BOK: variants seen among roughly 807,000 people sequenced by gnomAD.
BOK encodes the protein BCL2 family apoptosis regulator BOK.
BOK carries 20 observed loss-of-function variants against 18.3 expected under a neutral mutation model. The ratio of observed to expected loss-of-function variants is 1.09; its 90% CI spans 0.77 to 1.59. BOK has a LOEUF of 1.59. Ranked by LOEUF, BOK falls within the 40% of genes most tolerant of loss-of-function variation. The probability of loss-of-function intolerance (pLI) is 0.00; values close to 1 mark genes in which losing one functional copy is unlikely to be tolerated. For missense variants in BOK, 348 were observed against 307.9 expected, an observed-to-expected ratio of 1.13 and a Z score of -0.97; for synonymous variants, 173 against 142.4, an observed-to-expected ratio of 1.21 and a Z score of -1.53.
chr2:241,556,341 T>C (rs1053497939), upstream of BOK, among the ~76,000 whole-genome samples: 1 of 152,166 alleles, frequency 6.6e-6, no homozygotes, highest in Non-Finnish European at 1.5e-5. Flanking sequence ...TCCCAGAACT[T>C]TGTGATGCCA....
In BOK at chr2:241,570,243, C is replaced by T. The variant is rs141945444; in HGVS notation, c.468C>T (p.Phe156=). 1.2e-4 allele frequency: 186 copies of T among 1,589,870 alleles called. 1 individual carries two copies. In the African/African-American group the frequency reaches 1.8e-3, roughly 16 times the overall value. ...VHALVDCLGE[F]VRKTLATWLR... ...CCCTCGTGGACTGCCTGGGGGAGTT[C>T]GTGCGCAAGACCCTGGCAACCTGGC... The change falls in exon 4 of 5, where the codon TTC becomes TTT. Residue 156 remains phenylalanine, a synonymous_variant. Coordinates refer to ENST00000318407, the MANE Select transcript of BOK (RefSeq NM_032515.5).
intron 1 of BOK, among the ~76,000 whole-genome samples, chr2:241,553,730 T>C (rs756650892): frequency 8.6e-5 from 13 of 152,000 alleles, no homozygotes; most frequent in Non-Finnish European, 1.3e-4. Flanking sequence ...CCCCCAACAC[T>C]GGGGTTTACA....
At position 241,559,536 on chromosome 2, in the gene BOK, T is replaced by G. The variant is rs1303930706; in HGVS notation, c.53T>G (p.Phe18Cys). 6.6e-7 allele frequency: 1 copy of G among 1,524,454 alleles called. No homozygotes were observed. Among genetic ancestry groups the G allele is most frequent in the Admixed American group, 2.0e-5 (1 of 50,062 alleles). 94.4% of individuals were successfully genotyped at this position (1,524,454 alleles called of 1,614,324 possible). A position where few individuals can be genotyped will look rare whatever the true frequency, so the allele number is the denominator to read the frequency against. ...TTCGCCGCCGAGATCATGGACGCCT[T>G]TGACCGCTCGCCCACAGACAAGGAG... ...SVFAAEIMDA[F>C]DRSPTDKELV... The change falls in exon 2 of 5, where the codon TTT becomes TGT. Residue 18 changes from phenylalanine (F) to cysteine (C), a missense_variant. By Grantham distance (205) the Phe-to-Cys change is radical (BLOSUM62 -2). Transcript: ENST00000318407.
At position 241,559,602 on chromosome 2, in the gene BOK, A is replaced by G. The variant is rs888734732; in HGVS notation, c.119A>G (p.His40Arg). 3 of 1,489,082 alleles carry G rather than the reference A, an allele frequency of 2.0e-6. No homozygotes were observed. Among genetic ancestry groups the G allele is most frequent in the African/African-American group, 1.5e-5 (1 of 68,672 alleles). The allele number at this position is 1,489,082 out of a possible 1,614,324, so 92.2% of individuals were successfully genotyped here. ...QAKALGREYV[H>R]ARLLRAGLSW... ...AAGGCGCTGGGCCGGGAGTACGTGCACGCGCGGCTGCTGCGCGCCGGCCTC... is the reference window on the plus strand; with the variant it reads ...AAGGCGCTGGGCCGGGAGTACGTGCGCGCGCGGCTGCTGCGCGCCGGCCTC... The change falls in exon 2 of 5, where the codon CAC becomes CGC. Residue 40 changes from histidine to arginine, a missense_variant. By Grantham distance (29) the His-to-Arg change is conservative. Transcript: ENST00000318407.
At chr2:241,565,014 G>T (rs1355811693) in intron 3 of BOK, among the ~76,000 whole-genome samples, 1 of 152,174 alleles carries the variant, frequency 6.6e-6, no homozygotes, top group East Asian at 1.9e-4. Context: ...TTCTGGGAGG[G>T]CACCTGGGGG....
rs1392199008 is a variant in BOK, at chr2:241,570,172, C to T, written c.397C>T (p.Leu133=). ...VVSLYAVAAG[L]AVDCVRQAQP... ...GTCCCTGTATGCGGTGGCCGCGGGG[C>T]TGGCCGTGGACTGTGTGAGGCAGGC... The change falls in exon 4 of 5, where the codon CTG becomes TTG. Residue 133 remains leucine (L), a synonymous_variant. Transcript: ENST00000318407. The T allele has an allele frequency of 1.9e-6, 3 of 1,611,078 alleles. No homozygotes were observed. Among genetic ancestry groups the T allele is most frequent in the Non-Finnish European group, 2.5e-6 (3 of 1,179,268 alleles).
chr2:241,571,523 G>C (rs1040059775), intron 4 of BOK, among the ~76,000 whole-genome samples: 3 of 152,170 alleles, frequency 2.0e-5, no homozygotes, highest in African/African-American at 7.2e-5. Context: ...AGGCTGAATT[G>C]GGGGTGCAGA....
chr2:241,557,589 G>C (rs1232934613), upstream of BOK, among the ~76,000 whole-genome samples: 1 of 152,076 alleles, frequency 6.6e-6, no homozygotes, highest in South Asian at 2.1e-4. Flanking sequence ...TGGGATTACA[G>C]GTCTGAGTCA....
intron 3 of BOK, 114 bp from the exon 4 acceptor site, chr2:241,570,004 CGGTCCCT>C (rs1360057034): frequency 7.8e-7 from 1 of 1,274,382 alleles, no homozygotes; most frequent in African/African-American, 1.5e-5. Context: ...CCCCTTGGGA[CGGTCCCT>C]GGTCATTAGC....
chr2:241,566,648 C>T (rs1170417655), intron 3 of BOK, among the ~76,000 whole-genome samples: 8 of 151,868 alleles, frequency 5.3e-5, no homozygotes, highest in East Asian at 1.9e-4. Flanking sequence ...TGTGACTTCC[C>T]GTGTCTTTCA....
rs1282964803 is a variant in BOK, at chr2:241,562,941, A to T, written c.349+465A>T. On this transcript the variant is annotated intron_variant, in intron 3 of 4. Coordinates refer to ENST00000318407, the MANE Select transcript of BOK (RefSeq NM_032515.5). This position sits in a 1 kb window ranked among gnomAD's most constrained non-coding sequence, Gnocchi z 4.5. ...CAGGCTGTTAGGATATACCCTCAGA[A>T]GTCACGGGTAACTCTGCTGGATTCT... Among the ~76,000 whole-genome samples, 4 of 152,200 alleles carry T rather than the reference A, an allele frequency of 2.6e-5. No individual in the cohort carries two copies. The highest frequency in any genetic ancestry group is 5.9e-5 in the Non-Finnish European group (4 of 68,022).
intron 3 of BOK, among the ~76,000 whole-genome samples, chr2:241,568,365 C>T (rs768188488): frequency 9.2e-5 from 14 of 152,124 alleles, no homozygotes; most frequent in Non-Finnish European, 1.6e-4. Flanking sequence ...CGTGATCCAC[C>T]TGCCTCGGCC....
intron 2 of BOK, chr2:241,560,211 G>A: frequency 1.0e-6 from 1 of 985,476 alleles, no homozygotes; most frequent in Non-Finnish European, 1.2e-6. Context: ...ACATCTGGGG[G>A]TGCTCGGTTC....
At chr2:241,556,432 C>T (rs6718655), upstream of BOK, among the ~76,000 whole-genome samples, 76,471 of 151,742 alleles carry the variant, frequency 0.5, 19,531 homozygotes, top group Admixed American at 0.6. Flanking sequence ...AAAATACAAA[C>T]AATTAGCCGG....
chr2:241,560,392 T>C (rs1280108474), intron 2 of BOK: 9 of 737,352 alleles, frequency 1.2e-5, no homozygotes, highest in Non-Finnish European at 1.5e-5. Flanking sequence ...CGCCTGTGGC[T>C]GAGCCCGGGA....
At chr2:241,552,502 C>T (rs1340215586) in intron 1 of BOK, among the ~76,000 whole-genome samples, 1 of 152,188 alleles carries the variant, frequency 6.6e-6, no homozygotes, top group East Asian at 1.9e-4. Flanking sequence ...GGGCTGGGCT[C>T]AGAACAGACC....
chr2:241,555,960 T>C (rs2066447422), upstream of BOK, among the ~76,000 whole-genome samples: 1 of 152,148 alleles, frequency 6.6e-6, no homozygotes, highest in African/African-American at 2.4e-5. Context: ...AGCTTCCTGG[T>C]CTCCTGCCTG....
At chr2:241,559,778 T>C (rs750174702) in intron 2 of BOK, 75 bp downstream of exon 2, 47 of 1,262,424 alleles carry the variant, frequency 3.7e-5, no homozygotes, top group Non-Finnish European at 4.5e-5. Flanking sequence ...GAGGCCGAGA[T>C]GGGGGTCCGG....
At chr2:241,565,782 A>C (rs1487532276) in intron 3 of BOK, among the ~76,000 whole-genome samples, 3 of 152,170 alleles carry the variant, frequency 2.0e-5, no homozygotes, top group African/African-American at 7.2e-5. Context: ...AGAGGCCAAC[A>C]AATGTTGTTT....
Sources: gnomAD v4.1 joint callset for allele counts (sites outside exome capture counted in the v4.1 genomes callset) on GRCh38, gnomAD v4.1.1 for gene constraint, Gnocchi (gnomAD v3.1) non-coding constraint, MANE v1.5 for transcripts, NCBI Gene and HGNC (gene_info 2026-07-23, HGNC 2026-07-21) for gene names.